The following NCAPG2 variants were observed in gnomAD, a reference collection of about 807,000 sequenced individuals.
NCAPG2 encodes the protein non-SMC condensin II complex subunit G2.
NCAPG2 carries 53 observed loss-of-function variants against 141.1 expected under a neutral mutation model. That is an observed-to-expected ratio of 0.38 (90% CI 0.30 to 0.47). The LOEUF is 0.47. Ranked by LOEUF, NCAPG2 falls within the 20% of genes least tolerant of loss-of-function variation. NCAPG2 has a pLI of 0.99. For missense variants in NCAPG2, 1,087 were observed against 1,389.0 expected, an observed-to-expected ratio of 0.78 and a Z score of 3.46; for synonymous variants, 499 against 490.7, an observed-to-expected ratio of 1.02 and a Z score of -0.22.
Position 158,689,835 on chromosome 7 carries a change from T to C in NCAPG2, c.656A>G (p.Tyr219Cys), listed in dbSNP as rs1313321825. 7.0e-6 allele frequency: 11 copies of C among 1,580,794 alleles called. No individual in the cohort carries two copies. The highest frequency in any genetic ancestry group is 8.6e-6 in the Non-Finnish European group (10 of 1,159,566). Reference sequence around the variant, plus strand: ...CCTATTTACCTCTTCTTTCTTGATATAATTAATATTTATGAAGCACTCAAG... The same window carrying C: ...CCTATTTACCTCTTCTTTCTTGATACAATTAATATTTATGAAGCACTCAAG... ...MLLECFININYIKKEEGRRFL... is the reference protein window; with the variant it reads ...MLLECFININCIKKEEGRRFL... The change falls in exon 6 of 28, where the codon TAT becomes TGT. Residue 219 changes from tyrosine to cysteine, a missense_variant. Transcript: ENST00000356309.
At chr7:158,677,525 C>CAAAAAAAAAAAAAAAAAAAAAA in intron 11 of NCAPG2, among the ~76,000 whole-genome samples, 11 of 90,404 alleles carry the variant, frequency 1.2e-4, no homozygotes, top group African/African-American at 1.8e-4. Flanking sequence ...AAAAATAAAG[C>CAAAAAAAAAAAAAAAAAAAAAA]AAAAAAAAAA....
intron 12 of NCAPG2, among the ~76,000 whole-genome samples, chr7:158,672,880 ACTTCT>A (rs1421320601): frequency 6.6e-6 from 1 of 151,646 alleles, no homozygotes; most frequent in Non-Finnish European, 1.5e-5. Flanking sequence ...TTCTCCTTCA[ACTTCT>A]CTGGTCTTTC....
chr7:158,666,557 C>T (rs1832954442), intron 13 of NCAPG2, among the ~76,000 whole-genome samples: 1 of 151,216 alleles, frequency 6.6e-6, no homozygotes, highest in Non-Finnish European at 1.5e-5. Flanking sequence ...TTTATCTAGT[C>T]TGCCACGCTG....
intron 27 of NCAPG2, among the ~76,000 whole-genome samples, chr7:158,639,582 A>C (rs2129456384): frequency 6.6e-6 from 1 of 152,354 alleles, no homozygotes; most frequent in East Asian, 1.9e-4. Context: ...GTAAATTACC[A>C]AAATTTATTC....
At chr7:158,648,164 A>G (rs1831169892) in intron 24 of NCAPG2, among the ~76,000 whole-genome samples, 1 of 152,270 alleles carries the variant, frequency 6.6e-6, no homozygotes, top group Non-Finnish European at 1.5e-5. Flanking sequence ...GACTATTGAC[A>G]GATTAAAATA....
chr7:158,696,237 T>A (rs779174943), intron 2 of NCAPG2: 1 of 152,212 alleles, frequency 6.6e-6, no homozygotes, highest in Non-Finnish European at 1.5e-5. Context: ...CCTTTGTGTG[T>A]GGTCTCTCTC....
At chr7:158,643,754 A>T (rs1167689423) in intron 27 of NCAPG2, among the ~76,000 whole-genome samples, 1 of 152,238 alleles carries the variant, frequency 6.6e-6, no homozygotes, top group Non-Finnish European at 1.5e-5. Context: ...CACAATTCAA[A>T]ACCGAGTCTA....
intron 27 of NCAPG2, among the ~76,000 whole-genome samples, chr7:158,635,340 G>A (rs1221975203): frequency 6.6e-6 from 1 of 151,782 alleles, no homozygotes; most frequent in Non-Finnish European, 1.5e-5. Context: ...ACAAAAGAGA[G>A]GCCATTTTCA....
chr7:158,673,044 T>C lies in NCAPG2; in HGVS notation c.1327-1378A>G, dbSNP rs6964428. ...AAAGCACCAGACGGTGGTCAGAAGG[T>C]CAGGACCAAGAGAAGACCGGCCAGG... On this transcript the variant is annotated intron_variant, in intron 12 of 27. Coordinates refer to ENST00000356309, the MANE Select transcript of NCAPG2 (RefSeq NM_017760.7). Among the ~76,000 whole-genome samples the C allele has an allele frequency of 2.9e-3, 444 of 151,978 alleles. 7 individuals are homozygous for C. Among genetic ancestry groups the C allele is most frequent in the African/African-American group, 0.01 (423 of 41,412 alleles).
intron 22 of NCAPG2, among the ~76,000 whole-genome samples, chr7:158,653,107 G>A (rs1183166836): frequency 6.6e-6 from 1 of 152,050 alleles, no homozygotes; most frequent in Non-Finnish European, 1.5e-5. Context: ...GGTGGCTCAC[G>A]CCTGTAATCC....
At position 158,633,160 on chromosome 7, in the gene NCAPG2, A is replaced by C. The variant is rs961713282; in HGVS notation, c.3381-1443T>G. Among the ~76,000 whole-genome samples, 1 of 152,188 alleles carries C rather than the reference A, an allele frequency of 6.6e-6. No individual in the cohort carries two copies. Among genetic ancestry groups the C allele is most frequent in the African/African-American group, 2.4e-5 (1 of 41,452 alleles). ...GGGGAATTTTTTCCTATCGTTGTTG[A>C]ATCACTGCTTCTCCTTGCTGTTAGG... On this transcript the variant is annotated intron_variant, in intron 27 of 27. Transcript: ENST00000356309. This position sits in a 1 kb window ranked among gnomAD's most constrained non-coding sequence, Gnocchi z 4.1.
chr7:158,636,784 T>A (rs1276073421), intron 27 of NCAPG2, among the ~76,000 whole-genome samples: 1 of 152,200 alleles, frequency 6.6e-6, no homozygotes, highest in Non-Finnish European at 1.5e-5. Context: ...ATTCTTACAG[T>A]TGGTAATTCT....
Position 158,664,635 on chromosome 7 carries a change from G to A in NCAPG2, c.1595C>T (p.Pro532Leu), listed in dbSNP as rs374235532. 27 of 1,614,084 alleles carry A rather than the reference G, an allele frequency of 1.7e-5. No homozygotes were observed. Among genetic ancestry groups the A allele is most frequent in the Middle Eastern group, 1.6e-4 (1 of 6,062 alleles). The change falls in exon 14 of 28, where the codon CCG becomes CTG. Residue 532 changes from proline to leucine, a missense_variant. Transcript: ENST00000356309. ...IFNSFLPVNQ[P>L]EEVWCERCVT... The stretch of plus-strand genomic sequence containing the variant: ...ACAGCGCTCGCACCAGACCTCCTCC[G>A]GCTGATTCACAGGCAGGAAAGAATT...
intron 21 of NCAPG2, 182 bp from the exon 22 acceptor site, chr7:158,654,876 A>G (rs2129458938): frequency 8.0e-7 from 1 of 1,256,290 alleles, no homozygotes; most frequent in East Asian, 2.6e-5. Flanking sequence ...AAATCTAGAG[A>G]CATATTTTAT....
At chr7:158,668,595 T>A in intron 13 of NCAPG2, 2 of 239,600 alleles carry the variant, frequency 8.3e-6, no homozygotes, top group Non-Finnish European at 1.3e-5. Flanking sequence ...GACATAGCAA[T>A]AATTGTTGAA....
chr7:158,641,685 A>C, intron 27 of NCAPG2: 1 of 456,722 alleles, frequency 2.2e-6, no homozygotes, highest in South Asian at 4.4e-5. Context: ...ATCAGAGATA[A>C]AGAAGAGCAT....
chr7:158,689,996 G>C, intron 5 of NCAPG2, 43 bp from the exon 6 acceptor site: 3 of 1,412,638 alleles, frequency 2.1e-6, no homozygotes, highest in Non-Finnish European at 2.8e-6. Context: ...TCAATGAACA[G>C]TAAAGTCATA....
intron 13 of NCAPG2, chr7:158,668,301 C>CCCTTACCCACAACTGGGTCCCTCCGCCCT (rs1833397652): frequency 2.3e-6 from 2 of 871,374 alleles, no homozygotes; most frequent in African/African-American, 5.5e-5. Context: ...CCTAGGCCCT[C>CCCTTACCCACAACTGGGTCCCTCCGCCCT]CCTTACCCAC....
intron 2 of NCAPG2, among the ~76,000 whole-genome samples, chr7:158,695,657 T>C (rs1426728764): frequency 1.3e-5 from 2 of 152,238 alleles, no homozygotes; most frequent in African/African-American, 4.8e-5. Flanking sequence ...TATCAAAATG[T>C]TCTACCTCTC....
Sources: allele counts gnomAD v4.1 joint callset (sites outside exome capture counted in the v4.1 genomes callset), GRCh38; gene constraint gnomAD v4.1.1; non-coding constraint Gnocchi (gnomAD v3.1); transcripts MANE v1.5; gene names NCBI Gene and HGNC (gene_info 2026-07-23, HGNC 2026-07-21).